Variants in IYD observed in about 807,000 individuals in gnomAD.
IYD encodes the protein iodotyrosine deiodinase.
A neutral mutation model predicts 28.4 loss-of-function variants in IYD; 25 were observed. That is an observed-to-expected ratio of 0.88 (90% CI 0.64 to 1.23). IYD has a LOEUF of 1.23. Ranked by LOEUF, IYD falls within the 50% of genes most tolerant of loss-of-function variation. The pLI is 0.00. For missense variants in IYD, 352 were observed against 357.9 expected (o/e 0.98, Z 0.13); for synonymous variants, 140 against 130.8 (o/e 1.07, Z -0.48).
At chr6:150,380,290 C>T (rs984485162) in intron 1 of IYD, among the ~76,000 whole-genome samples, 3 of 152,040 alleles carry the variant, frequency 2.0e-5, no homozygotes, top group African/African-American at 7.2e-5. Flanking sequence ...TTCCACTGTA[C>T]CACCATTCTC....
chr6:150,394,272 A>T lies in IYD; in HGVS notation c.687+17A>T. 1 of 1,613,832 alleles carries T rather than the reference A, an allele frequency of 6.2e-7. No homozygotes were observed. The highest frequency in any genetic ancestry group is 1.3e-5 in the African/African-American group (1 of 75,052). On this transcript the variant is annotated intron_variant, in intron 4 of 4. Transcript: ENST00000344419. ...GCCCTGCAGGTATGTTGAGACATCA[A>T]GGGTTACAGGGTGGCCTTATTAGAA...
At chr6:150,395,993 G>A (rs1778298055) in intron 4 of IYD, 3 of 342,538 alleles carry the variant, frequency 8.8e-6, no homozygotes, top group Admixed American at 4.3e-5. Flanking sequence ...ATAGGAACTT[G>A]CCGTGGTGGT....
chr6:150,371,014 T>C (rs1326507274), intron 1 of IYD, among the ~76,000 whole-genome samples: 1 of 152,066 alleles, frequency 6.6e-6, no homozygotes, highest in Non-Finnish European at 1.5e-5. Context: ...ACTTGGAACC[T>C]GGAGAAATAA....
rs1582782397 is a variant in IYD at position 150,382,982 on chromosome 6, G to A, written c.179-6370G>A. On this transcript the variant is annotated intron_variant, in intron 1 of 4. Transcript: ENST00000344419. ...TAATGGTTCTTATTCATAACTTTGT[G>A]TTTTCCTAAATACATTGTTATTTTT... Among the ~76,000 whole-genome samples the A allele has an allele frequency of 2.6e-5, 4 of 152,050 alleles. No individual in the cohort carries two copies. In the South Asian group the frequency reaches 8.3e-4, roughly 32 times the overall value.
In IYD at chr6:150,402,549, G is replaced by T. The variant is rs1778542080; in HGVS notation, c.*4312G>T. 1 of 152,232 alleles carries T rather than the reference G, an allele frequency of 6.6e-6. No individual in the cohort carries two copies. The highest frequency in any genetic ancestry group is 2.1e-4 in the South Asian group (1 of 4,832). 9.4% of individuals were successfully genotyped at this position (152,232 alleles called of 1,614,324 possible). ...AAAGGAGGGGAGAAGGAAAGTTGAA[G>T]AAATTGGTGAAATCAGAATAGGACA... On this transcript the variant is annotated 3_prime_UTR_variant, in exon 5 of 5. Transcript: ENST00000344419.
chr6:150,393,382 G>C (rs1404004806), intron 3 of IYD, among the ~76,000 whole-genome samples: 1 of 152,182 alleles, frequency 6.6e-6, no homozygotes, highest in East Asian at 1.9e-4. Context: ...AAGTAGCTTT[G>C]AAAGTGTAAC....
chr6:150,369,770 T>C (rs935184208), intron 1 of IYD, among the ~76,000 whole-genome samples: 2 of 152,142 alleles, frequency 1.3e-5, no homozygotes, highest in African/African-American at 4.8e-5. Context: ...CCTGGGAGTT[T>C]GACGGTGCAG....
At position 150,402,138 on chromosome 6, in the gene IYD, G is replaced by A. The variant is rs1778529354; in HGVS notation, c.*3901G>A. On this transcript the variant is annotated 3_prime_UTR_variant, in exon 5 of 5. Coordinates refer to ENST00000344419, the MANE Select transcript of IYD (RefSeq NM_203395.3). ...ATGCTTGTGACTTGACGTGATAAAA[G>A]TTCATTTATTGGGCAGGCAAAGTCC... The A allele has an allele frequency of 2.0e-5, 3 of 152,248 alleles. No individual in the cohort carries two copies. 9.4% of individuals were successfully genotyped at this position (152,248 alleles called of 1,614,324 possible).
At position 150,405,384 on chromosome 6, in the gene IYD, A is replaced by C. The variant is rs1778615016; in HGVS notation, c.*7147A>C. The C allele has an allele frequency of 6.6e-6, 1 of 152,188 alleles. No individual in the cohort carries two copies. The highest frequency in any genetic ancestry group is 6.5e-5 in the Admixed American group (1 of 15,272). The allele number at this position is 152,188 out of a possible 1,614,324, so 9.4% of individuals were successfully genotyped here. A position where few individuals can be genotyped will look rare whatever the true frequency, so the allele number is the denominator to read the frequency against. On this transcript the variant is annotated 3_prime_UTR_variant, in exon 5 of 5. Coordinates refer to ENST00000344419, the MANE Select transcript of IYD (RefSeq NM_203395.3). ...TTTCCACCCCTTACTTGGCCCCTCA[A>C]TTCATACTTTTTGGGATGGAGCCTC...
At chr6:150,387,428 G>GT (rs1485741582) in intron 1 of IYD, among the ~76,000 whole-genome samples, 1 of 56,424 alleles carries the variant, frequency 1.8e-5, no homozygotes, top group South Asian at 4.5e-4. Flanking sequence ...AAAAGTTCTT[G>GT]TAAAAAAAAA....
Position 150,399,455 on chromosome 6 carries a change from G to A in IYD, c.*1218G>A, listed in dbSNP as rs1189667092. 1 of 152,258 alleles carries A rather than the reference G, an allele frequency of 6.6e-6. No individual in the cohort carries two copies. 9.4% of individuals were successfully genotyped at this position (152,258 alleles called of 1,614,324 possible). Reference sequence around the variant, plus strand: ...CACAGTTGCCAGGTTGGGAATGCTAGATGTAGTCTTCACCCATCACCTTCT... The same window carrying A: ...CACAGTTGCCAGGTTGGGAATGCTAAATGTAGTCTTCACCCATCACCTTCT... On this transcript the variant is annotated 3_prime_UTR_variant, in exon 5 of 5. Coordinates refer to ENST00000344419, the MANE Select transcript of IYD (RefSeq NM_203395.3).
chr6:150,369,161 G>C lies in IYD; in HGVS notation c.130G>C (p.Val44Leu). The change falls in exon 1 of 5, where the codon GTG becomes CTG. Residue 44 changes from valine (V) to leucine (L), a missense_variant. Transcript: ENST00000344419. ...PRTRAEARPWVDEDLKDSSDL... is the reference protein window; with the variant it reads ...PRTRAEARPWLDEDLKDSSDL... Reference sequence around the variant, plus strand: ...AACCAGGGCCGAAGCTCGCCCCTGGGTGGATGAAGACTTAAAAGACAGCAG... The same window carrying C: ...AACCAGGGCCGAAGCTCGCCCCTGGCTGGATGAAGACTTAAAAGACAGCAG... The C allele has an allele frequency of 6.2e-7, 1 of 1,613,852 alleles. No homozygotes were observed. The highest frequency in any genetic ancestry group is 8.5e-7 in the Non-Finnish European group (1 of 1,179,994).
At chr6:150,385,069 A>G in intron 1 of IYD, 1 of 152,184 alleles carries the variant, frequency 6.6e-6, no homozygotes, top group East Asian at 1.9e-4. Flanking sequence ...ACAGGAGGGT[A>G]ATGGGGAAAA....
chr6:150,395,274 G>C (rs914280485), intron 4 of IYD: 2 of 694,364 alleles, frequency 2.9e-6, no homozygotes, highest in Non-Finnish European at 4.8e-6. Flanking sequence ...ATAAGAGCAA[G>C]TAACCATACT....
chr6:150,374,611 AC>A (rs1306034188), intron 1 of IYD, among the ~76,000 whole-genome samples: 3 of 152,226 alleles, frequency 2.0e-5, no homozygotes, highest in Admixed American at 2.0e-4. Context: ...AGACTTATTC[AC>A]TACCACAAGA....
At position 150,396,375 on chromosome 6, in the gene IYD, C is replaced by T. The variant is rs1364146342; in HGVS notation, c.688-1680C>T. On this transcript the variant is annotated intron_variant, in intron 4 of 4. Coordinates refer to ENST00000344419, the MANE Select transcript of IYD (RefSeq NM_203395.3). ...ACCTATAATAAGACCAAAGTACTCA[C>T]ATCGAGAGAGTGAAAGATAAAATAA... 4 of 603,796 alleles carry T rather than the reference C, an allele frequency of 6.6e-6. No individual in the cohort carries two copies. The African/African-American group carries it at 7.7e-5, about 12-fold the overall frequency. The allele number at this position is 603,796 out of a possible 1,614,324, so 37.4% of individuals were successfully genotyped here.
chr6:150,377,191 C>A (rs561536457), intron 1 of IYD, among the ~76,000 whole-genome samples: 8 of 152,286 alleles, frequency 5.3e-5, no homozygotes, highest in Admixed American at 3.9e-4. Flanking sequence ...AGATTTCATT[C>A]AAAAAGCAGA....
chr6:150,369,249 T>C, intron 1 of IYD, 40 bp downstream of exon 1: 4 of 1,596,502 alleles, frequency 2.5e-6, no homozygotes, highest in Non-Finnish European at 3.4e-6. Context: ...CGCTGTCGTG[T>C]TGTGTTGATG....
intron 2 of IYD, among the ~76,000 whole-genome samples, chr6:150,389,903 A>G (rs1315300461): frequency 4.6e-5 from 7 of 151,816 alleles, no homozygotes; most frequent in Admixed American, 3.3e-4. Flanking sequence ...ACATACACAC[A>G]CTCGCATACT....
Sources: allele counts gnomAD v4.1 joint callset (sites outside exome capture counted in the v4.1 genomes callset), GRCh38; gene constraint gnomAD v4.1.1; transcripts MANE v1.5; gene names NCBI Gene and HGNC (gene_info 2026-07-23, HGNC 2026-07-21).